Variants in ADCY8 observed in about 807,000 individuals in gnomAD.
The protein encoded by ADCY8 is adenylate cyclase type 8.
ADCY8 carries 51 observed loss-of-function variants against 119.7 expected under a neutral mutation model. The ratio of observed to expected loss-of-function variants is 0.43; its 90% confidence interval spans 0.34 to 0.54. The LOEUF (loss-of-function observed/expected upper bound fraction) is 0.54, where lower values mean the gene tolerates loss of function less well. ADCY8 is among the 20% of genes least tolerant of loss of function. The probability of loss-of-function intolerance (pLI) is 0.03; values close to 1 mark genes in which losing one functional copy is unlikely to be tolerated. For missense variants in ADCY8, 1,383 were observed against 1,598.8 expected (o/e 0.87, Z 2.30); for synonymous variants, 665 against 651.0 (o/e 1.02, Z -0.33).
chr8:130,870,393 T>A (rs1240929917), intron 8 of ADCY8, among the ~76,000 whole-genome samples: 1 of 152,186 alleles, frequency 6.6e-6, no homozygotes, highest in Non-Finnish European at 1.5e-5. Context: ...CACAGCATCC[T>A]GGAGCTGTAA....
At chr8:131,038,037 A>G (rs1056136593) in intron 1 of ADCY8, among the ~76,000 whole-genome samples, 1 of 152,192 alleles carries the variant, frequency 6.6e-6, no homozygotes, top group African/African-American at 2.4e-5. Flanking sequence ...GAGAGACTTC[A>G]GAAAGCACTG....
chr8:130,862,749 C>T (rs187377536), intron 9 of ADCY8, among the ~76,000 whole-genome samples: 92 of 152,334 alleles, frequency 6.0e-4, no homozygotes, highest in African/African-American at 2.2e-3. Context: ...ATCTTTCACT[C>T]ACGTGTGATT....
chr8:130,990,582 G>A (rs1261082592), intron 1 of ADCY8, 40 bp from the exon 2 acceptor site: 2 of 1,594,034 alleles, frequency 1.3e-6, no homozygotes, highest in Admixed American at 3.5e-5. Context: ...TAAAACAAAA[G>A]CTATTTACAA....
intron 1 of ADCY8, among the ~76,000 whole-genome samples, chr8:131,038,847 ACACGTACAGTACTCAG>A (rs1459084060): frequency 6.6e-6 from 1 of 152,200 alleles, no homozygotes; most frequent in African/African-American, 2.4e-5. Context: ...GGATGACATA[ACACGTACAGTACTCAG>A]CACTGACAAT....
intron 5 of ADCY8, among the ~76,000 whole-genome samples, chr8:130,929,579 A>G (rs1471703713): frequency 6.6e-6 from 1 of 152,184 alleles, no homozygotes; most frequent in Non-Finnish European, 1.5e-5. Context: ...AGAATCTTTC[A>G]TGTGAAATTG....
In ADCY8 at chr8:130,849,935, G is replaced by T. The variant is rs1203283821; in HGVS notation, c.2211-132C>A. Reference sequence around the variant, plus strand: ...GAAAGTTCTGTTTGTCCAAGAAAAAGGTTATTAGCAGGAGAGATTTTTAAA... The same window carrying T: ...GAAAGTTCTGTTTGTCCAAGAAAAATGTTATTAGCAGGAGAGATTTTTAAA... On this transcript the variant is annotated intron_variant, in intron 9 of 17. Transcript: ENST00000286355. 14 of 905,148 alleles carry T rather than the reference G, an allele frequency of 1.5e-5. No homozygotes were observed. The East Asian group carries it at 1.9e-4, about 12-fold the overall frequency. 56.1% of individuals were successfully genotyped at this position (905,148 alleles called of 1,614,324 possible). A position where few individuals can be genotyped will look rare whatever the true frequency, so the allele number is the denominator to read the frequency against.
chr8:130,914,660 C>A (rs1820074918), intron 5 of ADCY8, among the ~76,000 whole-genome samples: 1 of 152,172 alleles, frequency 6.6e-6, no homozygotes, highest in South Asian at 2.1e-4. Context: ...GACCTCGGAG[C>A]ATTCTTGAAG....
At chr8:130,945,059 T>C (rs1305781183) in intron 3 of ADCY8, among the ~76,000 whole-genome samples, 1 of 152,112 alleles carries the variant, frequency 6.6e-6, no homozygotes, top group Non-Finnish European at 1.5e-5. Context: ...ATTGGGAGGA[T>C]GGATGCTCTG....
chr8:130,866,794 T>A (rs945371065), intron 9 of ADCY8, among the ~76,000 whole-genome samples: 19 of 152,166 alleles, frequency 1.2e-4, no homozygotes, highest in Non-Finnish European at 5.9e-5. Context: ...CATCTACGAA[T>A]GGGAATTGGA....
chr8:131,016,975 C>G (rs1823493758), intron 1 of ADCY8, among the ~76,000 whole-genome samples: 1 of 151,950 alleles, frequency 6.6e-6, no homozygotes, highest in African/African-American at 2.4e-5. Flanking sequence ...CTATTCCTAT[C>G]TAGGATGTTG....
chr8:130,886,025 A>G (rs537894878), intron 7 of ADCY8, among the ~76,000 whole-genome samples: 1 of 152,134 alleles, frequency 6.6e-6, no homozygotes, highest in African/African-American at 2.4e-5. Context: ...CTCCAGGACC[A>G]CAGCTGGAGT....
intron 1 of ADCY8, among the ~76,000 whole-genome samples, chr8:131,002,753 C>A (rs1328833326): frequency 2.0e-5 from 3 of 151,316 alleles, no homozygotes; most frequent in Non-Finnish European, 4.4e-5. Context: ...GATGAAAAAC[C>A]TCTATTAACA....
At chr8:130,788,373 G>A (rs1369016315) in intron 15 of ADCY8, among the ~76,000 whole-genome samples, 1 of 152,174 alleles carries the variant, frequency 6.6e-6, no homozygotes, top group Non-Finnish European at 1.5e-5. Context: ...TATGGTAAGT[G>A]AAATAAGCCA....
At chr8:130,859,063 T>C (rs78842011) in intron 9 of ADCY8, among the ~76,000 whole-genome samples, 1,665 of 152,260 alleles carry the variant, frequency 0.011, 27 homozygotes, top group African/African-American at 0.039. Flanking sequence ...GTTCCTTTTA[T>C]TGGATATCGG....
chr8:130,956,600 C>A (rs1009066755), intron 2 of ADCY8, among the ~76,000 whole-genome samples: 1 of 152,144 alleles, frequency 6.6e-6, no homozygotes, highest in Admixed American at 6.5e-5. Context: ...GAGCTCTTTG[C>A]GTTCATCTTT....
intron 1 of ADCY8, among the ~76,000 whole-genome samples, chr8:131,014,710 T>C (rs1320572464): frequency 2.0e-5 from 3 of 152,186 alleles, no homozygotes; most frequent in Non-Finnish European, 4.4e-5. Flanking sequence ...GGAATCTACT[T>C]ACCCCCTCTA....
chr8:131,008,462 TG>T lies in ADCY8; in HGVS notation c.961-17921del, dbSNP rs1823193906. On this transcript the variant is annotated intron_variant, in intron 1 of 17. Coordinates refer to ENST00000286355, the MANE Select transcript of ADCY8 (RefSeq NM_001115.3). ...CCCTGCTGGCACTCATTCTCTCTTC[TG>T]CTGCCCTGTGAAGAAGTGCCTTACA... 5.3e-5 allele frequency among the ~76,000 whole-genome samples: 8 copies of T among 152,204 alleles called. No individual in the cohort carries two copies. The South Asian group carries it at 1.5e-3, about 28-fold the overall frequency.
chr8:130,979,957 A>C (rs1822189082), intron 2 of ADCY8, among the ~76,000 whole-genome samples: 1 of 152,152 alleles, frequency 6.6e-6, no homozygotes, highest in Admixed American at 6.5e-5. Flanking sequence ...GGTTTAAAAC[A>C]ATAGAAATGT....
intron 1 of ADCY8, among the ~76,000 whole-genome samples, chr8:131,033,804 A>G (rs1293842957): frequency 2.6e-5 from 4 of 151,918 alleles, no homozygotes; most frequent in African/African-American, 9.7e-5. Flanking sequence ...AGAAGAAAGA[A>G]AGAAAAGAAA....
Sources: allele counts gnomAD v4.1 joint callset (sites outside exome capture counted in the v4.1 genomes callset), GRCh38; gene constraint gnomAD v4.1.1; transcripts MANE v1.5; gene names NCBI Gene and HGNC (gene_info 2026-07-23, HGNC 2026-07-21).